KCNIP4: variants seen among roughly 807,000 people sequenced by gnomAD.
KCNIP4 encodes the protein Kv channel-interacting protein 4.
A neutral mutation model predicts 34.0 loss-of-function variants in KCNIP4; 12 were observed. The observed-to-expected ratio is 0.35, with a 90% CI of 0.23 to 0.57. KCNIP4 has a LOEUF of 0.57. Ranked by LOEUF, KCNIP4 falls within the 20% of genes least tolerant of loss-of-function variation. The pLI is 0.83. For synonymous variants in KCNIP4, 124 were observed against 102.2 expected (o/e 1.21, Z -1.29); for missense variants, 238 against 311.7 (o/e 0.76, Z 1.78).
chr4:20,731,104 CAG>C (rs1343130612), intron 8 of KCNIP4, among the ~76,000 whole-genome samples: 2 of 152,088 alleles, frequency 1.3e-5, no homozygotes, highest in Non-Finnish European at 2.9e-5. Flanking sequence ...AGTTTTGAGG[CAG>C]AGTCTATTTC....
At chr4:21,465,752 A>T (rs1301794272) in intron 1 of KCNIP4, among the ~76,000 whole-genome samples, 2 of 152,186 alleles carry the variant, frequency 1.3e-5, no homozygotes, top group Non-Finnish European at 2.9e-5. Flanking sequence ...TACCTGACAC[A>T]TAGTGGGCAC....
At chr4:20,957,081 A>G (rs1301273251) in intron 1 of KCNIP4, among the ~76,000 whole-genome samples, 1 of 152,232 alleles carries the variant, frequency 6.6e-6, no homozygotes, top group African/African-American at 2.4e-5. Context: ...AAAAGAAAGT[A>G]AAAAGAAAAG....
chr4:21,185,699 G>T (rs2109334449), intron 1 of KCNIP4, among the ~76,000 whole-genome samples: 1 of 152,250 alleles, frequency 6.6e-6, no homozygotes, highest in East Asian at 1.9e-4. Context: ...TCATTCTAAT[G>T]GACATTTTCA....
At chr4:21,762,980 G>A in intron 1 of KCNIP4, 2 of 1,288,886 alleles carry the variant, frequency 1.6e-6, no homozygotes, top group South Asian at 2.5e-5. Flanking sequence ...CTGGGTGTAA[G>A]TCTTCTTGTC....
chr4:21,309,731 G>C (rs149468952), intron 1 of KCNIP4, among the ~76,000 whole-genome samples: 1 of 152,174 alleles, frequency 6.6e-6, no homozygotes, highest in Non-Finnish European at 1.5e-5. Flanking sequence ...ATCCAGCTCG[G>C]GATTGAAACC....
intron 1 of KCNIP4, among the ~76,000 whole-genome samples, chr4:21,300,888 A>T (rs1359338159): frequency 6.6e-6 from 1 of 152,120 alleles, no homozygotes; most frequent in Non-Finnish European, 1.5e-5. Context: ...TTCCATGGAG[A>T]TTATCAAGCC....
At chr4:20,852,220 A>G (rs1721112634) in intron 2 of KCNIP4, among the ~76,000 whole-genome samples, 1 of 152,172 alleles carries the variant, frequency 6.6e-6, no homozygotes, top group Non-Finnish European at 1.5e-5. Context: ...AGATGTTAAA[A>G]TCCTTAACAA....
intron 1 of KCNIP4, among the ~76,000 whole-genome samples, chr4:21,469,333 A>G (rs1377844724): frequency 6.6e-6 from 1 of 152,154 alleles, no homozygotes; most frequent in East Asian, 1.9e-4. Flanking sequence ...GGTATGAGCC[A>G]CCGCACCTGG....
chr4:21,362,529 C>T (rs1291002673), intron 1 of KCNIP4, among the ~76,000 whole-genome samples: 1 of 152,136 alleles, frequency 6.6e-6, no homozygotes, highest in East Asian at 1.9e-4. Context: ...GGGTAGAATA[C>T]ATTATATCTG....
intron 1 of KCNIP4, among the ~76,000 whole-genome samples, chr4:21,147,546 A>G (rs1752447298): frequency 6.6e-6 from 1 of 152,056 alleles, no homozygotes; most frequent in South Asian, 2.1e-4. Flanking sequence ...ATTTTTCTTT[A>G]TTATCAAAGT....
rs990667192 is a variant in KCNIP4, at chr4:21,525,934, C to T, written c.61+422637G>A. On this transcript the variant is annotated intron_variant, in intron 1 of 8. Transcript: ENST00000382152. ...TAAATTTTATTGAGCTTATAAACTA[C>T]ATTACAACAAAGAAAAATAAGGCAA... Among the ~76,000 whole-genome samples the T allele has an allele frequency of 1.1e-4, 17 of 152,140 alleles. No homozygotes were observed. In the South Asian group the frequency reaches 1.5e-3, roughly 13 times the overall value.
chr4:21,191,573 G>A (rs975840095), intron 1 of KCNIP4, among the ~76,000 whole-genome samples: 3 of 152,174 alleles, frequency 2.0e-5, no homozygotes, highest in Non-Finnish European at 4.4e-5. Flanking sequence ...ATGCTAGTTA[G>A]CAAGGCAATG....
chr4:21,124,426 T>C (rs924264653), intron 1 of KCNIP4, among the ~76,000 whole-genome samples: 3 of 152,320 alleles, frequency 2.0e-5, no homozygotes, highest in Middle Eastern at 6.8e-3. Flanking sequence ...AGAAATTTTT[T>C]CATCTCTCTC....
At chr4:21,520,158 C>A (rs1735402859) in intron 1 of KCNIP4, among the ~76,000 whole-genome samples, 1 of 152,062 alleles carries the variant, frequency 6.6e-6, no homozygotes, top group Non-Finnish European at 1.5e-5. Context: ...CAGATTAAGA[C>A]TGGGTTTGCC....
intron 1 of KCNIP4, among the ~76,000 whole-genome samples, chr4:21,661,889 C>T (rs1479289187): frequency 6.6e-6 from 1 of 152,152 alleles, no homozygotes; most frequent in East Asian, 1.9e-4. Flanking sequence ...AGTAACTAAA[C>T]GTCCTTATTT....
chr4:20,877,263 G>T (rs1172963021), intron 2 of KCNIP4, among the ~76,000 whole-genome samples: 1 of 152,126 alleles, frequency 6.6e-6, no homozygotes, highest in Non-Finnish European at 1.5e-5. Context: ...CCACCTTCTA[G>T]TAACCATCAA....
At chr4:21,144,378 A>G (rs1428777618) in intron 1 of KCNIP4, among the ~76,000 whole-genome samples, 2 of 152,230 alleles carry the variant, frequency 1.3e-5, no homozygotes. Context: ...ATACATTCAG[A>G]GATTTCTAAA....
chr4:21,656,333 T>C (rs1414127958), intron 1 of KCNIP4, among the ~76,000 whole-genome samples: 1 of 152,208 alleles, frequency 6.6e-6, no homozygotes, highest in Non-Finnish European at 1.5e-5. Flanking sequence ...TTCTGCAGTA[T>C]GACCTCATCT....
At chr4:20,990,386 TTAAAATATGTA>T (rs1375535712) in intron 1 of KCNIP4, among the ~76,000 whole-genome samples, 1 of 152,194 alleles carries the variant, frequency 6.6e-6, no homozygotes, top group Non-Finnish European at 1.5e-5. Flanking sequence ...ATGGACTTCT[TTAAAATATGTA>T]TATGGATGTC....
Sources: gnomAD v4.1 joint callset for allele counts (sites outside exome capture counted in the v4.1 genomes callset) on GRCh38, gnomAD v4.1.1 for gene constraint, MANE v1.5 for transcripts, NCBI Gene and HGNC (gene_info 2026-07-23, HGNC 2026-07-21) for gene names.